Variants in FER observed in about 807,000 individuals in gnomAD.
FER encodes FER tyrosine kinase.
In FER, 63 loss-of-function variants were observed where a neutral mutation model predicts 111.0. The observed-to-expected ratio is 0.57, with a 90% CI of 0.46 to 0.70. The LOEUF is 0.70. Among genes scored for constraint, FER ranks in the 30% least tolerant of loss-of-function variants. The probability of loss-of-function intolerance (pLI) is 0.00; values close to 1 mark genes in which losing one functional copy is unlikely to be tolerated. For synonymous variants in FER, 327 were observed against 313.9 expected (o/e 1.04, Z -0.44); for missense variants, 914 against 954.0 (o/e 0.96, Z 0.55).
intron 11 of FER, among the ~76,000 whole-genome samples, chr5:108,951,545 A>T (rs1310652435): frequency 3.9e-5 from 6 of 152,204 alleles, no homozygotes; most frequent in Non-Finnish European, 8.8e-5. Flanking sequence ...ATAACTTATT[A>T]ATTAGACTAT....
intron 19 of FER, among the ~76,000 whole-genome samples, chr5:109,187,043 A>G (rs1366389004): frequency 1.3e-5 from 2 of 151,978 alleles, no homozygotes; most frequent in African/African-American, 2.4e-5. Flanking sequence ...CATTTATAAA[A>G]TCCTCATATT....
intron 3 of FER, among the ~76,000 whole-genome samples, chr5:108,806,030 G>A (rs887281208): frequency 2.0e-5 from 3 of 152,190 alleles, no homozygotes; most frequent in African/African-American, 7.2e-5. Flanking sequence ...AGGCCTGGAG[G>A]CCTAGGAGGA....
rs554080162 is a variant in FER at position 108,905,706 on chromosome 5, G to A, written c.1236+7858G>A. The stretch of plus-strand genomic sequence containing the variant: ...AAGTTGGCTGAATTTTGACTTGTAT[G>A]TATTTATACATTAAAACATTTTTTA... On this transcript the variant is annotated intron_variant, in intron 10 of 19. Coordinates refer to ENST00000281092, the MANE Select transcript of FER (RefSeq NM_005246.4). 2.0e-5 allele frequency among the ~76,000 whole-genome samples: 3 copies of A among 152,164 alleles called. No homozygotes were observed. In the South Asian group the frequency reaches 6.2e-4, roughly 32 times the overall value.
intron 9 of FER, among the ~76,000 whole-genome samples, chr5:108,884,623 T>C (rs531095667): frequency 6.6e-6 from 1 of 152,022 alleles, no homozygotes; most frequent in East Asian, 1.9e-4. Context: ...GTCCTTGTGC[T>C]CACTTTTAAA....
chr5:109,123,712 T>G (rs1751310794), intron 17 of FER, among the ~76,000 whole-genome samples: 1 of 152,220 alleles, frequency 6.6e-6, no homozygotes, highest in African/African-American at 2.4e-5. Flanking sequence ...CTTTCTAACT[T>G]ATTATTTCTA....
At chr5:108,925,629 C>G (rs1346455779) in intron 10 of FER, among the ~76,000 whole-genome samples, 1 of 151,916 alleles carries the variant, frequency 6.6e-6, no homozygotes, top group Non-Finnish European at 1.5e-5. Flanking sequence ...AAACCTAATT[C>G]TGGTCTTCAA....
At chr5:108,900,684 G>A (rs1213424705) in intron 10 of FER, among the ~76,000 whole-genome samples, 2 of 152,174 alleles carry the variant, frequency 1.3e-5, no homozygotes, top group Admixed American at 1.3e-4. Context: ...TGAAAATACC[G>A]ACTCTTCGGT....
intron 17 of FER, among the ~76,000 whole-genome samples, chr5:109,158,843 T>C (rs78868257): frequency 0.1 from 15,333 of 152,182 alleles, 794 homozygotes; most frequent in Non-Finnish European, 0.12. Flanking sequence ...TTCTGCCATA[T>C]CTTAGAATCA....
chr5:109,155,525 T>C (rs1755271832), intron 17 of FER, among the ~76,000 whole-genome samples: 1 of 151,886 alleles, frequency 6.6e-6, no homozygotes, highest in African/African-American at 2.4e-5. Context: ...CTGGTTAAGA[T>C]TAATTGTAGC....
intron 13 of FER, among the ~76,000 whole-genome samples, chr5:108,964,697 C>A (rs1759577393): frequency 6.6e-6 from 1 of 152,098 alleles, no homozygotes; most frequent in African/African-American, 2.4e-5. Flanking sequence ...AGTAGAAATT[C>A]AGCATAAAAT....
chr5:109,177,226 C>G (rs557305860), intron 17 of FER, among the ~76,000 whole-genome samples: 1 of 151,964 alleles, frequency 6.6e-6, no homozygotes, highest in East Asian at 1.9e-4. Flanking sequence ...AATAATTATC[C>G]CCTTTTTATC....
At position 108,774,030 on chromosome 5, in the gene FER, A is replaced by T. The variant is rs140711843; in HGVS notation, c.-60+5792A>T. Among the ~76,000 whole-genome samples the T allele has an allele frequency of 2.7e-3, 403 of 151,678 alleles. 1 individual carries two copies. The highest frequency in any genetic ancestry group is 9.3e-3 in the African/African-American group (386 of 41,376). On this transcript the variant is annotated intron_variant, in intron 2 of 19. Transcript: ENST00000281092. ...GGTGGTTTGCCGCACCTATTGACCC[A>T]TCCTGTAAGTTCCCTCCCCTCACCT...
intron 16 of FER, among the ~76,000 whole-genome samples, chr5:109,066,567 A>G (rs1775115284): frequency 6.6e-6 from 1 of 152,046 alleles, no homozygotes; most frequent in South Asian, 2.1e-4. Context: ...AATAGTTGAA[A>G]CCCGTCAGTT....
intron 6 of FER, 33 bp downstream of exon 6, chr5:108,867,983 C>T (rs1184259585): frequency 6.4e-7 from 1 of 1,569,390 alleles, no homozygotes; most frequent in South Asian, 1.2e-5. Flanking sequence ...CATAAAATCC[C>T]TTCACAAAAT....
chr5:108,766,060 G>A (rs748969497), intron 1 of FER, among the ~76,000 whole-genome samples: 47 of 151,862 alleles, frequency 3.1e-4, no homozygotes, highest in South Asian at 6.2e-4. Flanking sequence ...CTCTCAAGTA[G>A]CAGGGACTAC....
chr5:108,760,981 A>C (rs968128046), intron 1 of FER, among the ~76,000 whole-genome samples: 2 of 150,554 alleles, frequency 1.3e-5, no homozygotes, highest in African/African-American at 4.9e-5. Context: ...CCCAGGCTGG[A>C]GTGCAGTGGC....
intron 17 of FER, among the ~76,000 whole-genome samples, chr5:109,176,817 A>G (rs1303925975): frequency 6.6e-6 from 1 of 152,254 alleles, no homozygotes; most frequent in Non-Finnish European, 1.5e-5. Context: ...GTCAACAAAA[A>G]AAGTAAATAA....
chr5:108,785,444 G>A (rs1288437314), intron 2 of FER: 2 of 580,094 alleles, frequency 3.4e-6, no homozygotes, highest in Non-Finnish European at 6.9e-6. Context: ...TGGCAGCAAG[G>A]CAGAACCACC....
At chr5:109,096,965 TATATA>T (rs1017220378) in intron 16 of FER, among the ~76,000 whole-genome samples, 5 of 148,146 alleles carry the variant, frequency 3.4e-5, no homozygotes, top group Admixed American at 1.4e-4. Flanking sequence ...AGTATATAAA[TATATA>T]ATAAATATAT....
Sources: gnomAD v4.1 joint callset for allele counts (sites outside exome capture counted in the v4.1 genomes callset) on GRCh38, gnomAD v4.1.1 for gene constraint, MANE v1.5 for transcripts, NCBI Gene and HGNC (gene_info 2026-07-23, HGNC 2026-07-21) for gene names.